The following MED23 variants were observed in gnomAD, a reference collection of about 807,000 sequenced individuals.
MED23 encodes the protein mediator complex subunit 23, also known as mediator of RNA polymerase II transcription subunit 23.
A neutral mutation model predicts 163.9 loss-of-function variants in MED23; 105 were observed. The observed-to-expected ratio is 0.64, with a 90% confidence interval of 0.55 to 0.75. MED23 has a LOEUF of 0.75. MED23 is among the 30% of genes least tolerant of loss of function. The pLI is 0.00. For missense variants in MED23, 1,054 were observed against 1,649.0 expected (o/e 0.64, Z 6.25); for synonymous variants, 561 against 565.6 (o/e 0.99, Z 0.12).
intron 10 of MED23, among the ~76,000 whole-genome samples, chr6:131,612,383 TA>T (rs2114709364): frequency 1.3e-5 from 2 of 152,128 alleles, no homozygotes; most frequent in East Asian, 3.9e-4. Context: ...ACAGGTACAT[TA>T]AAATTAAGAC....
rs1011440436 is a variant in MED23 at position 131,628,163 on chromosome 6, G to C, written c.-114C>G. 2.6e-5 allele frequency: 33 copies of C among 1,248,124 alleles called. No homozygotes were observed. Among genetic ancestry groups the C allele is most frequent in the Non-Finnish European group, 3.3e-5 (28 of 859,740 alleles). 77.3% of individuals were successfully genotyped at this position (1,248,124 alleles called of 1,614,324 possible). ...CCTCTGGAGGAAACCGTAGCTCCTC[G>C]GCGTCGCTTCCTCCCCCAGCGCTTT... On this transcript the variant is annotated 5_prime_UTR_variant, in exon 1 of 29. Coordinates refer to ENST00000368068, the MANE Select transcript of MED23 (RefSeq NM_004830.4).
At chr6:131,586,508 T>G (rs1016394165), downstream of MED23, among the ~76,000 whole-genome samples, 14 of 152,206 alleles carry the variant, frequency 9.2e-5, no homozygotes, top group African/African-American at 3.1e-4. Flanking sequence ...GGCAATTACA[T>G]GAGCTACAAA....
chr6:131,602,912 A>G, intron 16 of MED23, 118 bp downstream of exon 16: 1 of 1,072,748 alleles, frequency 9.3e-7, no homozygotes, highest in Non-Finnish European at 1.3e-6. Flanking sequence ...GAGAAGTTTT[A>G]TGACAGATGA....
chr6:131,586,415 G>T (rs889605072), downstream of MED23, among the ~76,000 whole-genome samples: 6 of 148,912 alleles, frequency 4.0e-5, no homozygotes, highest in African/African-American at 1.5e-4. Flanking sequence ...AAAAAAAAAA[G>T]AAAAGAGTAA....
chr6:131,580,179 T>C (rs960538610), intron 30 of MED23, among the ~76,000 whole-genome samples: 1 of 152,192 alleles, frequency 6.6e-6, no homozygotes, highest in Non-Finnish European at 1.5e-5. Flanking sequence ...TCTATGGCTC[T>C]TGAGCAGTCA....
At position 131,587,714 on chromosome 6, in the gene MED23, T is replaced by C. The variant is rs1562365936; in HGVS notation, c.4072A>G (p.Asn1358Asp). ...ACTGGTAAAGACACGGGCACCTGAT[T>C]AGACTGAGGTGCTGGAGACCCACTG... ...MNSGSPAPQS[N>D]QVPVSLPVTQ is the part of the protein sequence containing the mutation. The change falls in exon 29 of 29, where the codon AAT becomes GAT. Residue 1358 changes from asparagine (N) to aspartate (D), a missense_variant. Around this residue, in one of 11 missense-constraint regions of MED23, gnomAD observed 362 missense variants for 471.6 expected, o/e 0.77. Transcript: ENST00000368068. 1.2e-6 allele frequency: 2 copies of C among 1,614,154 alleles called. No homozygotes were observed. The highest frequency in any genetic ancestry group is 1.7e-6 in the Non-Finnish European group (2 of 1,179,994).
In MED23 at chr6:131,586,790, C is replaced by A; in HGVS notation, c.*889G>T. The A allele has an allele frequency of 6.7e-7, 1 of 1,493,978 alleles. No homozygotes were observed. The highest frequency in any genetic ancestry group is 9.0e-7 in the Non-Finnish European group (1 of 1,112,852). The allele number at this position is 1,493,978 out of a possible 1,614,324, so 92.5% of individuals were successfully genotyped here. ...AGACTTTACTCATTAGTTTTCAAGT[C>A]TTTCGCAATGCCAATTCCCCCAAAA... On this transcript the variant is annotated 3_prime_UTR_variant, in exon 29 of 29. Transcript: ENST00000368068.
intron 30 of MED23, among the ~76,000 whole-genome samples, chr6:131,578,604 C>T (rs1773747405): frequency 6.6e-6 from 1 of 152,076 alleles, no homozygotes; most frequent in Non-Finnish European, 1.5e-5. Context: ...CACTATGAGG[C>T]AGGTTCAATG....
downstream of MED23, chr6:131,583,897 C>T (rs1236330989): frequency 1.2e-6 from 2 of 1,614,030 alleles, no homozygotes; most frequent in East Asian, 2.2e-5. Context: ...CTACCTTAAC[C>T]CACCTAAGTA....
Position 131,598,196 on chromosome 6 carries a change from C to T in MED23, c.2607+91G>A. On this transcript the variant is annotated intron_variant, in intron 20 of 28. Transcript: ENST00000368068. The surrounding 1 kb of genome is among the most constrained non-coding windows in gnomAD (Gnocchi z 4.7). ...TGATATAGTATAAATTCATTAAATCCTTCAAAGCAATATAGAGCAGATTGG... is the reference window on the plus strand; with the variant it reads ...TGATATAGTATAAATTCATTAAATCTTTCAAAGCAATATAGAGCAGATTGG... The T allele has an allele frequency of 1.6e-6, 2 of 1,276,632 alleles. No homozygotes were observed. Among genetic ancestry groups the T allele is most frequent in the Non-Finnish European group, 2.3e-6 (2 of 886,256 alleles). The allele number at this position is 1,276,632 out of a possible 1,614,324, so 79.1% of individuals were successfully genotyped here.
chr6:131,627,329 GAAAA>G (rs60163644), intron 3 of MED23, 63 bp downstream of exon 3: 290 of 873,888 alleles, frequency 3.3e-4, no homozygotes, highest in African/African-American at 1.5e-3. Flanking sequence ...AATGTTAAAA[GAAAA>G]AAAAAAAAAA....
At chr6:131,599,593 AATTTTTTTCACTTTT>A (rs1206593969) in intron 18 of MED23, among the ~76,000 whole-genome samples, 2 of 152,002 alleles carry the variant, frequency 1.3e-5, no homozygotes, top group African/African-American at 4.8e-5. Context: ...TCTCTTTTTC[AATTTTTTTCACTTTT>A]ATTTTTTTCC....
chr6:131,586,885 T>G lies in MED23; in HGVS notation c.*794A>C, dbSNP rs1428332967. 3 of 1,457,794 alleles carry G rather than the reference T, an allele frequency of 2.1e-6. No individual in the cohort carries two copies. The East Asian group carries it at 7.5e-5, about 37-fold the overall frequency. The allele number at this position is 1,457,794 out of a possible 1,614,324, so 90.3% of individuals were successfully genotyped here. A position where few individuals can be genotyped will look rare whatever the true frequency, so the allele number is the denominator to read the frequency against. Reference sequence around the variant, plus strand: ...TTTACAAATATAAAATTTAAAAATTTTAAGATTATAAAAATTGAAGAATTA... The same window carrying G: ...TTTACAAATATAAAATTTAAAAATTGTAAGATTATAAAAATTGAAGAATTA... On this transcript the variant is annotated 3_prime_UTR_variant, in exon 29 of 29. Coordinates refer to ENST00000368068, the MANE Select transcript of MED23 (RefSeq NM_004830.4).
chr6:131,576,024 T>A (rs1773594945), intron 30 of MED23, among the ~76,000 whole-genome samples: 1 of 152,222 alleles, frequency 6.6e-6, no homozygotes, highest in South Asian at 2.1e-4. Context: ...TTTTGCCCAA[T>A]CGTTCCCTTG....
chr6:131,603,152 T>C lies in MED23; in HGVS notation c.1809A>G (p.Thr603=), dbSNP rs762489637. 5.6e-6 allele frequency: 9 copies of C among 1,613,704 alleles called. No individual in the cohort carries two copies. The South Asian group carries it at 7.7e-5, about 14-fold the overall frequency. The part of the protein sequence containing the change: ...FKSHAWGILH[T]LLEMFSYRMH... ...TCCGGTAGCTAAACATCTCAAGGAG[T>C]GTGTGTAAGATCCCCCATGCATGTG... is the stretch of plus-strand genomic sequence containing the variant. The change falls in exon 16 of 29, where the codon ACA becomes ACG. Residue 603 remains threonine, a synonymous_variant. Transcript: ENST00000368068.
intron 4 of MED23, among the ~76,000 whole-genome samples, chr6:131,623,903 A>G (rs1436501451): frequency 6.6e-6 from 1 of 152,200 alleles, no homozygotes; most frequent in Non-Finnish European, 1.5e-5. Context: ...ACTGTATTAT[A>G]TTTATCCTCA....
Position 131,596,289 on chromosome 6 carries a change from T to C in MED23, c.2779-126A>G, listed in dbSNP as rs1736695046. On this transcript the variant is annotated intron_variant, in intron 21 of 28. Coordinates refer to ENST00000368068, the MANE Select transcript of MED23 (RefSeq NM_004830.4). ...AAACATTTAAAATTATACTTGATTATACTTTACTTCTTTTTATAGAAGTCC... is the reference window on the plus strand; with the variant it reads ...AAACATTTAAAATTATACTTGATTACACTTTACTTCTTTTTATAGAAGTCC... 4 of 952,502 alleles carry C rather than the reference T, an allele frequency of 4.2e-6. No homozygotes were observed. The South Asian group carries it at 5.8e-5, about 14-fold the overall frequency. 59.0% of individuals were successfully genotyped at this position (952,502 alleles called of 1,614,324 possible).
intron 10 of MED23, among the ~76,000 whole-genome samples, chr6:131,612,805 A>G (rs1201545662): frequency 6.6e-6 from 1 of 152,132 alleles, no homozygotes. Flanking sequence ...ACCTATGCCC[A>G]ATTCCTTCCC....
chr6:131,608,007 GA>G lies in MED23; in HGVS notation c.1141del (p.Ser381LeufsTer9). The G allele has an allele frequency of 1.2e-6, 2 of 1,613,910 alleles. No individual in the cohort carries two copies. The highest frequency in any genetic ancestry group is 1.7e-6 in the Non-Finnish European group (2 of 1,179,906). On this transcript the variant is annotated frameshift_variant, in exon 12 of 29. Coordinates refer to ENST00000368068, the MANE Select transcript of MED23 (RefSeq NM_004830.4). LOFTEE classifies it high-confidence loss of function. The stretch of plus-strand genomic sequence containing the variant: ...TAGTGCATTTTTCTGAATACTTCCA[GA>G]AATGAATTGCAGGAGAACCCACATA... ...HLMWVLLQFI[S>X]GSIQKNALAD...
Sources: gnomAD v4.1 joint callset for allele counts (sites outside exome capture counted in the v4.1 genomes callset) on GRCh38, gnomAD v4.1.1 for gene constraint, gnomAD v4.1.1 regional missense constraint, Gnocchi (gnomAD v3.1) non-coding constraint, MANE v1.5 for transcripts, NCBI Gene and HGNC (gene_info 2026-07-23, HGNC 2026-07-21) for gene names.